The following RP1 variants were observed in gnomAD, a reference collection of about 807,000 sequenced individuals.
The protein encoded by RP1 is oxygen-regulated protein 1.
Under a neutral mutation model 14.8 loss-of-function variants are expected in RP1, and 16 were observed. The observed-to-expected ratio is 1.08, with a 90% CI of 0.73 to 1.65. The LOEUF is 1.65. RP1 is among the 40% of genes most tolerant of loss of function. RP1 has a pLI of 0.00. For missense variants in RP1, 2,631 were observed against 2,535.0 expected (o/e 1.04, Z -0.81); for synonymous variants, 876 against 883.6 (o/e 0.99, Z 0.15).
At chr8:54,583,273 G>T (rs188586526) in intron 1 of RP1, among the ~76,000 whole-genome samples, 1,547 of 152,150 alleles carry the variant, frequency 0.01, 19 homozygotes, top group Non-Finnish European at 0.015. Flanking sequence ...GGTTTTTGTC[G>T]TTGGTTCTGT....
intron 26 of RP1, among the ~76,000 whole-genome samples, chr8:54,853,688 A>G (rs1812107453): frequency 6.6e-6 from 1 of 151,578 alleles, no homozygotes. Context: ...AGGTAGGAGA[A>G]TTGCTTGAGC....
At chr8:54,592,975 A>G (rs1043029774) in intron 1 of RP1, among the ~76,000 whole-genome samples, 1 of 152,168 alleles carries the variant, frequency 6.6e-6, no homozygotes, top group Non-Finnish European at 1.5e-5. Context: ...GGCCCCCTAC[A>G]GGCATCAGTG....
At chr8:54,741,707 G>GCATATATATATA (rs1554528861) in intron 19 of RP1, among the ~76,000 whole-genome samples, 1 of 58,036 alleles carries the variant, frequency 1.7e-5, no homozygotes, top group Non-Finnish European at 3.2e-5. Flanking sequence ...AAATGTGTGT[G>GCATATATATATA]TATATATATA....
At chr8:54,569,094 G>A (rs1360713319) in intron 1 of RP1, among the ~76,000 whole-genome samples, 1 of 152,194 alleles carries the variant, frequency 6.6e-6, no homozygotes, top group East Asian at 1.9e-4. Flanking sequence ...AAGAGCAGAA[G>A]AAAAATGCCC....
intron 19 of RP1, among the ~76,000 whole-genome samples, chr8:54,753,740 A>C (rs1809432820): frequency 6.6e-6 from 1 of 152,204 alleles, no homozygotes; most frequent in Non-Finnish European, 1.5e-5. Context: ...ACTGTTGAAA[A>C]AAAAGTTGTG....
intron 23 of RP1, chr8:54,781,018 T>C: frequency 1.0e-6 from 1 of 982,916 alleles, no homozygotes; most frequent in Non-Finnish European, 1.2e-6. Context: ...TCATAGAGTA[T>C]ATCCAAACTA....
intron 7 of RP1, among the ~76,000 whole-genome samples, chr8:54,664,530 G>A (rs1406466872): frequency 1.3e-5 from 2 of 152,098 alleles, no homozygotes; most frequent in Non-Finnish European, 2.9e-5. Context: ...AAGGGTTCCA[G>A]TTTTGCCATC....
chr8:54,675,519 A>C (rs908113715), intron 8 of RP1, among the ~76,000 whole-genome samples: 1 of 152,176 alleles, frequency 6.6e-6, no homozygotes, highest in Non-Finnish European at 1.5e-5. Context: ...CTTTCATTTC[A>C]AAACTTCATG....
intron 1 of RP1, among the ~76,000 whole-genome samples, chr8:54,605,365 A>G (rs1016295692): frequency 3.3e-5 from 5 of 152,178 alleles, no homozygotes; most frequent in African/African-American, 9.7e-5. Flanking sequence ...GAGTTTCTTA[A>G]TCCTGAGTTC....
chr8:54,703,841 G>A (rs371148454), intron 14 of RP1, among the ~76,000 whole-genome samples: 9 of 152,240 alleles, frequency 5.9e-5, no homozygotes, highest in South Asian at 2.1e-4. Context: ...GTTATGTTAC[G>A]AAGATGGCTT....
At chr8:54,817,805 T>G (rs946190994) in intron 24 of RP1, among the ~76,000 whole-genome samples, 1 of 152,188 alleles carries the variant, frequency 6.6e-6, no homozygotes, top group Non-Finnish European at 1.5e-5. Context: ...AATAAAATAT[T>G]TTTCTCTAAA....
chr8:54,625,062 ATG>A lies in RP1; in HGVS notation c.1181_1182del (p.Met394ArgfsTer5). The part of the protein sequence containing the change: ...ACSFSADVSP[M>X]ERSSNQEGSL... The stretch of plus-strand genomic sequence containing the variant: ...TTCATTCTCTGCAGATGTGTCACCT[ATG>A]GAGCGAAGCAGTAATCAAGAGGGCA... On this transcript the variant is annotated frameshift_variant, in exon 4 of 4. Transcript: ENST00000220676. LOFTEE classifies it low-confidence loss of function (END_TRUNC). The A allele has an allele frequency of 6.2e-7, 1 of 1,614,202 alleles. No homozygotes were observed. Among genetic ancestry groups the A allele is most frequent in the Non-Finnish European group, 8.5e-7 (1 of 1,180,036 alleles).
downstream of RP1, among the ~76,000 whole-genome samples, chr8:54,634,522 A>C (rs1372321265): frequency 6.6e-6 from 1 of 152,246 alleles, no homozygotes; most frequent in African/African-American, 2.4e-5. Context: ...TAAGGCACTT[A>C]GTAATTTCTT....
At chr8:54,663,001 C>T (rs1473466450) in intron 6 of RP1, among the ~76,000 whole-genome samples, 1 of 152,154 alleles carries the variant, frequency 6.6e-6, no homozygotes. Flanking sequence ...TTCAAAGTCA[C>T]TTGCTGTCCA....
intron 24 of RP1, among the ~76,000 whole-genome samples, chr8:54,798,588 CT>C (rs1196164022): frequency 6.6e-6 from 1 of 152,118 alleles, no homozygotes; most frequent in Non-Finnish European, 1.5e-5. Flanking sequence ...GTTCAAGTAA[CT>C]TTCAGGCATA....
chr8:54,688,150 G>C (rs1309124886), intron 12 of RP1, among the ~76,000 whole-genome samples: 1 of 151,974 alleles, frequency 6.6e-6, no homozygotes, highest in Non-Finnish European at 1.5e-5. Context: ...CCCATTTTTT[G>C]ATAGGGTTGT....
At chr8:54,843,532 T>A (rs1371068371) in intron 25 of RP1, among the ~76,000 whole-genome samples, 1 of 152,180 alleles carries the variant, frequency 6.6e-6, no homozygotes, top group Admixed American at 6.5e-5. Flanking sequence ...TAACGCTGAA[T>A]CTCATTTGCC....
rs1280748933 is a variant in RP1, at chr8:54,630,325, A to C, written c.6443A>C (p.Glu2148Ala). 6.2e-7 allele frequency: 1 copy of C among 1,613,764 alleles called. No homozygotes were observed. The highest frequency in any genetic ancestry group is 1.1e-5 in the South Asian group (1 of 91,074). ...GACATATTAAATTTAACTGATCTTG[A>C]AAGCAGTAGAGAACAAGAAGATTTA... ...EEDILNLTDL[E>A]SSREQEDL is the part of the protein sequence containing the mutation. The change falls in exon 4 of 4, where the codon GAA becomes GCA. Residue 2148 changes from glutamate to alanine, a missense_variant. Coordinates refer to ENST00000220676, the MANE Select transcript of RP1 (RefSeq NM_006269.2).
intron 25 of RP1, among the ~76,000 whole-genome samples, chr8:54,840,496 G>A (rs548144466): frequency 1.3e-5 from 2 of 151,212 alleles, no homozygotes; most frequent in Admixed American, 1.3e-4. Flanking sequence ...CAGGTGATCT[G>A]CCCAAGGCTG....
Sources: allele counts gnomAD v4.1 joint callset (sites outside exome capture counted in the v4.1 genomes callset), GRCh38; gene constraint gnomAD v4.1.1; transcripts MANE v1.5; gene names NCBI Gene and HGNC (gene_info 2026-07-23, HGNC 2026-07-21).